SP2: variants seen among roughly 807,000 people sequenced by gnomAD.
SP2 encodes the protein transcription factor Sp2.
A neutral mutation model predicts 50.1 loss-of-function variants in SP2; 9 were observed. That is an observed-to-expected ratio of 0.18 (90% CI 0.11 to 0.31). The LOEUF is 0.31. Among genes scored for constraint, SP2 ranks in the 10% least tolerant of loss-of-function variants. The pLI is 1.00. For missense variants in SP2, 581 were observed against 806.5 expected, an observed-to-expected ratio of 0.72 and a Z score of 3.39; for synonymous variants, 313 against 326.6, an observed-to-expected ratio of 0.96 and a Z score of 0.45.
intron 3 of SP2, among the ~76,000 whole-genome samples, chr17:47,919,997 C>T (rs553291883): frequency 1.1e-3 from 163 of 151,386 alleles, no homozygotes; most frequent in Middle Eastern, 6.8e-3. Context: ...CCACCACGCC[C>T]GGCTAATTTT....
rs762056656 is a variant in SP2, at chr17:47,916,599, T to G, written c.528T>G (p.Pro176=). 1.2e-6 allele frequency: 2 copies of G among 1,614,114 alleles called. No individual in the cohort carries two copies. The highest frequency in any genetic ancestry group is 1.7e-6 in the Non-Finnish European group (2 of 1,180,000). The change falls in exon 3 of 7, where the codon CCT becomes CCG. Residue 176 remains proline (P), a synonymous_variant. Coordinates refer to ENST00000376741, the MANE Select transcript of SP2 (RefSeq NM_003110.6). This position sits in a 1 kb window ranked among gnomAD's most constrained non-coding sequence, Gnocchi z 4.7. ...CCCCCTCACCGTCCAGTCACAAGCCTGTCCCCATCAAGCCAGCCCCCATCC... is the reference window on the plus strand; with the variant it reads ...CCCCCTCACCGTCCAGTCACAAGCCGGTCCCCATCAAGCCAGCCCCCATCC... ...IITPSPSSHK[P]VPIKPAPIQK...
At chr17:47,909,358 C>T (rs2034891199) in intron 1 of SP2, among the ~76,000 whole-genome samples, 1 of 152,186 alleles carries the variant, frequency 6.6e-6, no homozygotes, top group Non-Finnish European at 1.5e-5. Flanking sequence ...TTCCACATGG[C>T]ACTATTAGGC....
At chr17:47,898,829 G>A (rs1009809385) in intron 1 of SP2, 2 of 152,138 alleles carry the variant, frequency 1.3e-5, no homozygotes, top group Non-Finnish European at 2.9e-5. Flanking sequence ...TAAATCTTGC[G>A]GGCTGCAAAC....
Position 47,916,346 on chromosome 17 carries a change from A to G in SP2, c.275A>G (p.Asn92Ser). The change falls in exon 3 of 7, where the codon AAT becomes AGT. Residue 92 changes from asparagine to serine, a missense_variant. Transcript: ENST00000376741. This position sits in a 1 kb window ranked among gnomAD's most constrained non-coding sequence, Gnocchi z 4.7. ...TTTGGAATCTTGTCCTCCAAAGGAA[A>G]TATACTTCAGATTCAGGGGTCACAA... Reference protein sequence around the residue: ...NSFGILSSKGNILQIQGSQLS... With the variant: ...NSFGILSSKGSILQIQGSQLS... 6.2e-7 allele frequency: 1 copy of G among 1,614,106 alleles called. No homozygotes were observed. Among genetic ancestry groups the G allele is most frequent in the South Asian group, 1.1e-5 (1 of 91,072 alleles).
chr17:47,903,355 A>G (rs1413703379), intron 1 of SP2, among the ~76,000 whole-genome samples: 1 of 152,162 alleles, frequency 6.6e-6, no homozygotes, highest in Admixed American at 6.5e-5. Context: ...CCTAGAGGCC[A>G]AGTAAAGAAA....
At chr17:47,922,889 G>A (rs779568345) in intron 3 of SP2, 73 bp from the exon 4 acceptor site, 15 of 1,379,474 alleles carry the variant, frequency 1.1e-5, no homozygotes, top group Non-Finnish European at 1.4e-5. Context: ...TTCTCACTTG[G>A]GCAGGGACAT....
chr17:47,912,741 C>T (rs1233640923), intron 1 of SP2, among the ~76,000 whole-genome samples: 2 of 151,984 alleles, frequency 1.3e-5, no homozygotes, highest in African/African-American at 2.4e-5. Flanking sequence ...CACTGCATCC[C>T]GTGCCTTCAC....
At chr17:47,902,642 A>C (rs1219890935) in intron 1 of SP2, among the ~76,000 whole-genome samples, 4 of 152,218 alleles carry the variant, frequency 2.6e-5, no homozygotes, top group Non-Finnish European at 5.9e-5. Flanking sequence ...TTTAAGGCTG[A>C]GGAGCTGGAA....
chr17:47,907,910 C>G (rs1372793628), intron 1 of SP2, among the ~76,000 whole-genome samples: 1 of 152,182 alleles, frequency 6.6e-6, no homozygotes, highest in African/African-American at 2.4e-5. Flanking sequence ...TTCTTAACCA[C>G]TTTTCATTTC....
At position 47,917,103 on chromosome 17, in the gene SP2, C is replaced by A. The variant is rs778887125; in HGVS notation, c.1032C>A (p.Ile344=). 65 of 1,611,926 alleles carry A rather than the reference C, an allele frequency of 4.0e-5. No homozygotes were observed. The highest frequency in any genetic ancestry group is 5.3e-5 in the Non-Finnish European group (62 of 1,179,150). Residue 344 remains isoleucine (I), a synonymous_variant, in exon 3 of 7, where the codon ATC becomes ATA. Transcript: ENST00000376741. ...AGAAGCCCTCCCAGAACTTTCAGAT[C>A]CAGGCAGCTGAGCCGACACCTACTC... is the stretch of plus-strand genomic sequence containing the variant. ...VPQKPSQNFQ[I]QAAEPTPTQV...
At chr17:47,920,202 G>T (rs367683092) in intron 3 of SP2, among the ~76,000 whole-genome samples, 1 of 150,088 alleles carries the variant, frequency 6.7e-6, no homozygotes, top group African/African-American at 2.5e-5. Flanking sequence ...TGCAACCTCC[G>T]CCTCCCGGGT....
chr17:47,898,495 C>T (rs574478845), intron 1 of SP2: 1 of 152,320 alleles, frequency 6.6e-6, no homozygotes, highest in South Asian at 2.1e-4. Flanking sequence ...TTGTTGCAGC[C>T]AACCAGTAGA....
At chr17:47,909,258 A>AT (rs903352878) in intron 1 of SP2, among the ~76,000 whole-genome samples, 1 of 152,236 alleles carries the variant, frequency 6.6e-6, no homozygotes, top group African/African-American at 2.4e-5. Context: ...ACTTTTAGAA[A>AT]TGCAATCCAA....
Position 47,916,625 on chromosome 17 carries a change from A to G in SP2, c.554A>G (p.Gln185Arg). 1.2e-6 allele frequency: 2 copies of G among 1,614,090 alleles called. No homozygotes were observed. The highest frequency in any genetic ancestry group is 1.7e-6 in the Non-Finnish European group (2 of 1,179,986). Residue 185 changes from glutamine (Q) to arginine (R), a missense_variant, in exon 3 of 7, where the codon CAG becomes CGG. Physicochemically the swap from Gln to Arg is conservative, Grantham distance 43. This residue lies in a region of SP2 where 397 missense variants were observed against 491.0 expected (regional missense o/e 0.81). Coordinates refer to ENST00000376741, the MANE Select transcript of SP2 (RefSeq NM_003110.6). This position sits in a 1 kb window ranked among gnomAD's most constrained non-coding sequence, Gnocchi z 4.7. ...GTCCCCATCAAGCCAGCCCCCATCCAGAAGTCGAGTACGACCACCACCCCC... is the reference window on the plus strand; with the variant it reads ...GTCCCCATCAAGCCAGCCCCCATCCGGAAGTCGAGTACGACCACCACCCCC... ...KPVPIKPAPI[Q>R]KSSTTTTPVQ...
chr17:47,925,073 C>T lies in SP2; in HGVS notation c.1527C>T (p.Asn509=). 6.2e-7 allele frequency: 1 copy of T among 1,611,642 alleles called. No homozygotes were observed. The highest frequency in any genetic ancestry group is 1.1e-5 in the South Asian group (1 of 90,804). ...GCCGCATGGCCTGCACGTGTCCCAA[C>T]TGCAAGGATGGGGAGAAGAGGTAAT... ...KRRRMACTCP[N]CKDGEKRSGE... Residue 509 remains asparagine, a synonymous_variant, in exon 5 of 7, where the codon AAC becomes AAT. Coordinates refer to ENST00000376741, the MANE Select transcript of SP2 (RefSeq NM_003110.6).
intron 3 of SP2, among the ~76,000 whole-genome samples, chr17:47,917,427 A>G (rs2035257712): frequency 6.6e-6 from 1 of 152,108 alleles, no homozygotes; most frequent in Non-Finnish European, 1.5e-5. Flanking sequence ...TTAATAACTT[A>G]TTTTTGATTA....
intron 3 of SP2, 37 bp downstream of exon 3, chr17:47,917,167 C>G (rs1166952032): frequency 1.9e-6 from 3 of 1,541,334 alleles, no homozygotes; most frequent in Non-Finnish European, 1.8e-6. Context: ...TTCTCCTCCT[C>G]TGGTTATCTC....
chr17:47,922,356 T>A (rs751419391), intron 3 of SP2, among the ~76,000 whole-genome samples: 13 of 152,340 alleles, frequency 8.5e-5, no homozygotes, highest in Non-Finnish European at 1.3e-4. Context: ...TTCCAGCAAG[T>A]TTAGCCCACA....
chr17:47,898,136 G>C (rs1432783926), intron 1 of SP2: 1 of 152,274 alleles, frequency 6.6e-6, no homozygotes, highest in Non-Finnish European at 1.5e-5. Flanking sequence ...GGGAGAACTG[G>C]CTCCGGGAGA....
Sources: gnomAD v4.1 joint callset for allele counts (sites outside exome capture counted in the v4.1 genomes callset) on GRCh38, gnomAD v4.1.1 for gene constraint, gnomAD v4.1.1 regional missense constraint, Gnocchi (gnomAD v3.1) non-coding constraint, MANE v1.5 for transcripts, NCBI Gene and HGNC (gene_info 2026-07-23, HGNC 2026-07-21) for gene names.